SMAD9: variants seen among roughly 807,000 people sequenced by gnomAD.
SMAD9 encodes the protein SMAD family member 9, also known as MAD homolog 9.
SMAD9 carries 36 observed loss-of-function variants against 46.1 expected under a neutral mutation model. The observed-to-expected ratio is 0.78, with a 90% CI of 0.60 to 1.03. The LOEUF (loss-of-function observed/expected upper bound fraction) is 1.03, where lower values mean the gene tolerates loss of function less well. Among genes scored for constraint, SMAD9 ranks in the 50% least tolerant of loss-of-function variants. SMAD9 has a pLI of 0.00. For synonymous variants in SMAD9, 245 were observed against 237.1 expected (o/e 1.03, Z -0.31); for missense variants, 572 against 599.8 (o/e 0.95, Z 0.48).
chr13:36,913,778 G>C (rs1444545231), intron 1 of SMAD9, among the ~76,000 whole-genome samples: 1 of 152,082 alleles, frequency 6.6e-6, no homozygotes, highest in African/African-American at 2.4e-5. Flanking sequence ...ACTTCCACTA[G>C]AAAACAAAGA....
chr13:36,845,910 C>G lies in SMAD9; in HGVS notation c.*2766G>C, dbSNP rs772060332. 2.6e-5 allele frequency: 4 copies of G among 152,054 alleles called. No homozygotes were observed. Among genetic ancestry groups the G allele is most frequent in the Non-Finnish European group, 5.9e-5 (4 of 68,018 alleles). The allele number at this position is 152,054 out of a possible 1,614,324, so 9.4% of individuals were successfully genotyped here. On this transcript the variant is annotated 3_prime_UTR_variant, in exon 7 of 7. Coordinates refer to ENST00000379826, the MANE Select transcript of SMAD9 (RefSeq NM_001127217.3). ...TGTCACAGAAAATTCAGATTCACTG[C>G]AATATTGTGTTCTGGCTTCCCAAAG... is the stretch of plus-strand genomic sequence containing the variant.
At chr13:36,882,571 T>C (rs2058413441) in intron 1 of SMAD9, among the ~76,000 whole-genome samples, 1 of 152,138 alleles carries the variant, frequency 6.6e-6, no homozygotes, top group South Asian at 2.1e-4. Context: ...TGCTGCAAGA[T>C]ACCACTCCTG....
chr13:36,898,213 ATAGT>A (rs2058545676), intron 1 of SMAD9, among the ~76,000 whole-genome samples: 1 of 152,104 alleles, frequency 6.6e-6, no homozygotes, highest in South Asian at 2.1e-4. Context: ...GGTAGGTAAC[ATAGT>A]TGGTCTACAC....
chr13:36,852,569 A>G, intron 6 of SMAD9: 2 of 984,426 alleles, frequency 2.0e-6, no homozygotes, highest in Non-Finnish European at 2.4e-6. Context: ...AACAGAACAT[A>G]TACTGCTCTC....
chr13:36,855,015 C>A (rs1281761173), intron 5 of SMAD9, among the ~76,000 whole-genome samples: 1 of 152,030 alleles, frequency 6.6e-6, no homozygotes, highest in Non-Finnish European at 1.5e-5. Flanking sequence ...GCTGGGTGCT[C>A]ACACCTGCAA....
chr13:36,920,563 G>A (rs2058738142), upstream of SMAD9: 1 of 152,208 alleles, frequency 6.6e-6, no homozygotes, highest in Non-Finnish European at 1.5e-5. Flanking sequence ...CCGGCCTGCC[G>A]GGGTGGCCCG....
chr13:36,910,899 A>G (rs1230980251), intron 1 of SMAD9, among the ~76,000 whole-genome samples: 1 of 152,182 alleles, frequency 6.6e-6, no homozygotes. Context: ...GCCAAGCCAC[A>G]TTGTGGTCTG....
At position 36,867,168 on chromosome 13, in the gene SMAD9, G is replaced by A. The variant is rs2058243032; in HGVS notation, c.781+105C>T. 23 of 758,242 alleles carry A rather than the reference G, an allele frequency of 3.0e-5. 1 individual carries two copies. The South Asian group carries it at 3.1e-4, about 10-fold the overall frequency. The allele number at this position is 758,242 out of a possible 1,614,324, so 47.0% of individuals were successfully genotyped here. A position where few individuals can be genotyped will look rare whatever the true frequency, so the allele number is the denominator to read the frequency against. On this transcript the variant is annotated intron_variant, in intron 4 of 6. Transcript: ENST00000379826. ...TGCCTCTTAAAACACATGCAAAACA[G>A]CAGGCCAGTACATTTCTGGTTTTCT... is the stretch of plus-strand genomic sequence containing the variant.
Position 36,857,157 on chromosome 13 carries a change from C to T in SMAD9, c.1004-3482G>A, listed in dbSNP as rs144739841. On this transcript the variant is annotated intron_variant, in intron 5 of 6. Transcript: ENST00000379826. ...AAAGCATGAACATGTGCAGATTTTA[C>T]TGCAGCCTACATTCTGACAGTTCTG... Among the ~76,000 whole-genome samples the T allele has an allele frequency of 5.9e-3, 894 of 152,110 alleles. 6 individuals are homozygous for T. Among genetic ancestry groups the T allele is most frequent in the African/African-American group, 0.02 (817 of 41,466 alleles).
At chr13:36,906,267 G>T (rs983514741) in intron 1 of SMAD9, among the ~76,000 whole-genome samples, 2 of 151,646 alleles carry the variant, frequency 1.3e-5, no homozygotes, top group East Asian at 3.9e-4. Flanking sequence ...AAAATTGGTG[G>T]GTTTTTAAAA....
Position 36,865,578 on chromosome 13 carries a change from C to CA in SMAD9, c.961_962insT (p.Arg321MetfsTer32). ...CCTGGTATTTTCTATCGTTGAGTTT[C>CA]TGTTTACATTAGAAAGAAGTCCAAG... On this transcript the variant is annotated frameshift_variant, in exon 5 of 7. Transcript: ENST00000379826. LOFTEE classifies it high-confidence loss of function. The CA allele has an allele frequency of 6.2e-7, 1 of 1,614,070 alleles. No homozygotes were observed. Among genetic ancestry groups the CA allele is most frequent in the Non-Finnish European group, 8.5e-7 (1 of 1,179,976 alleles).
chr13:36,919,037 T>C (rs981891799), intron 1 of SMAD9, among the ~76,000 whole-genome samples: 1 of 152,166 alleles, frequency 6.6e-6, no homozygotes, highest in Non-Finnish European at 1.5e-5. Context: ...CACTCCACAG[T>C]GCCCTGTGGG....
intron 1 of SMAD9, among the ~76,000 whole-genome samples, chr13:36,914,468 G>A (rs375591844): frequency 1.6e-4 from 24 of 152,160 alleles, no homozygotes; most frequent in African/African-American, 4.8e-4. Flanking sequence ...GCAGTGAGCC[G>A]AGATGGTGCC....
chr13:36,859,546 A>G (rs1425330048), intron 5 of SMAD9, among the ~76,000 whole-genome samples: 1 of 151,970 alleles, frequency 6.6e-6, no homozygotes, highest in Non-Finnish European at 1.5e-5. Context: ...TCACTACTAC[A>G]CTCCCACCAG....
chr13:36,907,576 G>C (rs543452157), intron 1 of SMAD9, among the ~76,000 whole-genome samples: 1 of 152,292 alleles, frequency 6.6e-6, no homozygotes, highest in East Asian at 1.9e-4. Context: ...TCAGGAGGCT[G>C]AGGCAAGAGG....
At chr13:36,852,218 G>A (rs1243069390) in intron 6 of SMAD9, 1 of 867,024 alleles carries the variant, frequency 1.2e-6, no homozygotes, top group Non-Finnish European at 1.4e-6. Context: ...AACATAATTT[G>A]AGTATAGAAA....
intron 1 of SMAD9, among the ~76,000 whole-genome samples, chr13:36,912,086 G>A (rs894910780): frequency 2.0e-5 from 3 of 152,196 alleles, no homozygotes; most frequent in African/African-American, 7.2e-5. Flanking sequence ...GCTAGGAGTT[G>A]TGGCCATTTA....
rs1356238716 is a variant in SMAD9, at chr13:36,847,121, T to C, written c.*1555A>G. The stretch of plus-strand genomic sequence containing the variant: ...GTTTCTATTAGCTAACACTAGTAAC[T>C]GTAAGAGGTGACAGTAGTAGCTCAA... On this transcript the variant is annotated 3_prime_UTR_variant, in exon 7 of 7. Transcript: ENST00000379826. The C allele has an allele frequency of 6.6e-6, 1 of 152,252 alleles. No homozygotes were observed. The highest frequency in any genetic ancestry group is 2.4e-5 in the African/African-American group (1 of 41,464). The allele number at this position is 152,252 out of a possible 1,614,324, so 9.4% of individuals were successfully genotyped here.
intron 5 of SMAD9, among the ~76,000 whole-genome samples, chr13:36,854,619 G>A (rs1462477161): frequency 2.0e-5 from 3 of 152,058 alleles, no homozygotes; most frequent in Non-Finnish European, 4.4e-5. Context: ...TAATCCACCC[G>A]CCTCGGCCTC....
Sources: gnomAD v4.1 joint callset for allele counts (sites outside exome capture counted in the v4.1 genomes callset) on GRCh38, gnomAD v4.1.1 for gene constraint, MANE v1.5 for transcripts, NCBI Gene and HGNC (gene_info 2026-07-23, HGNC 2026-07-21) for gene names.